Variants in CNTNAP2 observed in about 807,000 individuals in gnomAD.
The protein encoded by CNTNAP2 is contactin-associated protein-like 2.
Under a neutral mutation model 155.2 loss-of-function variants are expected in CNTNAP2, and 98 were observed. The observed-to-expected ratio is 0.63, with a 90% CI of 0.54 to 0.75. CNTNAP2 has a LOEUF of 0.75. CNTNAP2 is among the 30% of genes least tolerant of loss of function. The probability of loss-of-function intolerance (pLI) is 0.00; values close to 1 mark genes in which losing one functional copy is unlikely to be tolerated. For missense variants in CNTNAP2, 1,727 were observed against 1,688.1 expected (o/e 1.02, Z -0.40); for synonymous variants, 651 against 631.2 (o/e 1.03, Z -0.47).
At chr7:147,548,439 T>A (rs192525000) in intron 11 of CNTNAP2, among the ~76,000 whole-genome samples, 50 of 152,102 alleles carry the variant, frequency 3.3e-4, no homozygotes, top group African/African-American at 1.2e-3. Flanking sequence ...ATTTGCCCAC[T>A]TTTTGATGGG....
intron 1 of CNTNAP2, among the ~76,000 whole-genome samples, chr7:146,139,157 T>G (rs1797841299): frequency 6.6e-6 from 1 of 152,064 alleles, no homozygotes; most frequent in South Asian, 2.1e-4. Flanking sequence ...TTGACCCACT[T>G]CTTCCTCCCA....
At chr7:147,897,259 A>G (rs1228743390) in intron 13 of CNTNAP2, among the ~76,000 whole-genome samples, 7 of 152,242 alleles carry the variant, frequency 4.6e-5, no homozygotes, top group Admixed American at 4.6e-4. Context: ...ATGAAAATGA[A>G]ACACAGTGTT....
At chr7:147,390,764 C>A (rs141468590) in intron 9 of CNTNAP2, among the ~76,000 whole-genome samples, 1 of 152,010 alleles carries the variant, frequency 6.6e-6, no homozygotes, top group East Asian at 1.9e-4. Flanking sequence ...CGGAGCAGCA[C>A]TGATTGTGTG....
chr7:148,330,281 A>G (rs186396378), intron 21 of CNTNAP2, among the ~76,000 whole-genome samples: 55 of 150,462 alleles, frequency 3.7e-4, no homozygotes, highest in African/African-American at 1.3e-3. Context: ...TAATGGATCA[A>G]TGGAGTGGAT....
intron 1 of CNTNAP2, among the ~76,000 whole-genome samples, chr7:146,559,721 A>G (rs1216231200): frequency 6.6e-6 from 1 of 152,182 alleles, no homozygotes; most frequent in Non-Finnish European, 1.5e-5. Flanking sequence ...TTTCAATCAT[A>G]TTTTGGATAG....
chr7:147,211,703 A>G (rs981676344), intron 8 of CNTNAP2, among the ~76,000 whole-genome samples: 5 of 152,120 alleles, frequency 3.3e-5, no homozygotes, highest in African/African-American at 1.2e-4. Context: ...TAAGAATCCT[A>G]GAAGAAGACC....
At chr7:146,235,980 G>GCA (rs1563001596) in intron 1 of CNTNAP2, among the ~76,000 whole-genome samples, 2 of 150,660 alleles carry the variant, frequency 1.3e-5, no homozygotes, top group African/African-American at 2.4e-5. Flanking sequence ...GTGTGTGTGT[G>GCA]CGCGCGTATT....
At chr7:147,473,943 G>A (rs1048321541) in intron 10 of CNTNAP2, among the ~76,000 whole-genome samples, 2 of 152,024 alleles carry the variant, frequency 1.3e-5, no homozygotes, top group Non-Finnish European at 1.5e-5. Context: ...GCCGGGCGTG[G>A]TGGCACATGC....
rs1795487152 is a variant in CNTNAP2 at position 147,327,762 on chromosome 7, TCTTC to T, written c.1498+27478_1498+27481del. ...GCTTAGTGGGACTTAAGAAAAGCTC[TCTTC>T]CTTCCACAAGTTTTTCCTTATTGTC... On this transcript the variant is annotated intron_variant, in intron 9 of 23. Transcript: ENST00000361727. 2.0e-5 allele frequency among the ~76,000 whole-genome samples: 3 copies of T among 152,210 alleles called. No individual in the cohort carries two copies. The South Asian group carries it at 6.2e-4, about 32-fold the overall frequency.
At chr7:148,054,110 C>G (rs960850697) in intron 15 of CNTNAP2, among the ~76,000 whole-genome samples, 2 of 151,764 alleles carry the variant, frequency 1.3e-5, no homozygotes, top group South Asian at 4.2e-4. Flanking sequence ...GTAGCTGGGA[C>G]TACAGGTACC....
In CNTNAP2 at chr7:146,597,681, G is replaced by A. The variant is rs2129150826; in HGVS notation, c.98-176590G>A. Among the ~76,000 whole-genome samples the A allele has an allele frequency of 2.0e-5, 3 of 151,954 alleles. No homozygotes were observed. The East Asian group carries it at 5.8e-4, about 29-fold the overall frequency. On this transcript the variant is annotated intron_variant, in intron 1 of 23. Coordinates refer to ENST00000361727, the MANE Select transcript of CNTNAP2 (RefSeq NM_014141.6). ...GACTCCGACATTATGGACATTTCTG[G>A]GGATACTGCTTTTTGGATTGAGTTC... is the stretch of plus-strand genomic sequence containing the variant.
At chr7:148,176,603 G>A (rs768226357) in intron 18 of CNTNAP2, among the ~76,000 whole-genome samples, 2 of 152,178 alleles carry the variant, frequency 1.3e-5, no homozygotes, top group Non-Finnish European at 2.9e-5. Flanking sequence ...ATCTTTAGTA[G>A]GAGTGCTGAC....
At chr7:148,333,680 G>T (rs1798069345) in intron 21 of CNTNAP2, among the ~76,000 whole-genome samples, 1 of 152,142 alleles carries the variant, frequency 6.6e-6, no homozygotes, top group Admixed American at 6.5e-5. Context: ...ACTGGGAAAG[G>T]GATTCATGTA....
At chr7:146,191,752 G>T (rs887732166) in intron 1 of CNTNAP2, among the ~76,000 whole-genome samples, 1 of 152,262 alleles carries the variant, frequency 6.6e-6, no homozygotes, top group Non-Finnish European at 1.5e-5. Flanking sequence ...GAGAAGTATG[G>T]CTCTGTTCTG....
At chr7:148,176,211 C>CTTTTTTTTTTTTTTTTTTTTTT (rs1188113801) in intron 18 of CNTNAP2, among the ~76,000 whole-genome samples, 4 of 92,802 alleles carry the variant, frequency 4.3e-5, no homozygotes, top group Admixed American at 1.4e-4. Context: ...CTTTCTTTCT[C>CTTTTTTTTTTTTTTTTTTTTTT]TTTTTTTTTT....
chr7:147,554,847 A>G (rs1308169523), intron 11 of CNTNAP2, among the ~76,000 whole-genome samples: 1 of 143,810 alleles, frequency 7.0e-6, no homozygotes, highest in Non-Finnish European at 1.5e-5. Context: ...TTCAAGCTCT[A>G]AAAAAAAAAA....
chr7:146,906,792 G>C (rs1215008374), intron 3 of CNTNAP2, among the ~76,000 whole-genome samples: 1 of 152,044 alleles, frequency 6.6e-6, no homozygotes, highest in African/African-American at 2.4e-5. Context: ...ACGGAACAAA[G>C]CTGGATGGAG....
chr7:146,718,155 CATAGTT>C (rs1442316983), intron 1 of CNTNAP2, among the ~76,000 whole-genome samples: 1 of 152,120 alleles, frequency 6.6e-6, no homozygotes, highest in Non-Finnish European at 1.5e-5. Context: ...TTACCATACG[CATAGTT>C]ATAAACAGTC....
chr7:148,078,582 A>G (rs56860101), intron 15 of CNTNAP2, among the ~76,000 whole-genome samples: 8,661 of 151,704 alleles, frequency 0.057, 310 homozygotes, highest in Admixed American at 0.12. Flanking sequence ...CCAGGTTCAA[A>G]CGATTCTCCT....
Sources: gnomAD v4.1 joint callset for allele counts (sites outside exome capture counted in the v4.1 genomes callset) on GRCh38, gnomAD v4.1.1 for gene constraint, MANE v1.5 for transcripts, NCBI Gene and HGNC (gene_info 2026-07-23, HGNC 2026-07-21) for gene names.